The following SYNGR2 variants were observed in gnomAD, a reference collection of about 807,000 sequenced individuals.
SYNGR2 encodes synaptogyrin-2.
Under a neutral mutation model 18.7 loss-of-function variants are expected in SYNGR2, and 11 were observed. That is an observed-to-expected ratio of 0.59 (90% CI 0.37 to 0.97). The LOEUF is 0.97. Ranked by LOEUF, SYNGR2 falls within the 50% of genes least tolerant of loss-of-function variation. SYNGR2 has a pLI of 0.01. For missense variants in SYNGR2, 253 were observed against 300.7 expected (o/e 0.84, Z 1.17); for synonymous variants, 127 against 131.0 (o/e 0.97, Z 0.21).
At chr17:78,169,262 G>T (rs1294204214) in intron 1 of SYNGR2, 2 of 74,112 alleles carry the variant, frequency 2.7e-5, no homozygotes, top group African/African-American at 4.6e-5. Flanking sequence ...GGTTTTGTGT[G>T]TGTGTGTGTG....
chr17:78,168,715 G>A lies in SYNGR2; in HGVS notation c.99G>A (p.Leu33=). The change falls in exon 1 of 4, where the codon TTG becomes TTA. Residue 33 remains leucine (L), a splice_region_variant and synonymous_variant. Transcript: ENST00000225777. ...AGGTGGTGGCGCGCGCCGTGTGCTT[G>A]GTGAGCCCGGGGAGGGCGGGCCGAG... is the stretch of plus-strand genomic sequence containing the variant. ...QPQVVARAVC[L]VFALIVFSCI... 8.3e-7 allele frequency: 1 copy of A among 1,198,912 alleles called. No individual in the cohort carries two copies. The highest frequency in any genetic ancestry group is 1.0e-6 in the Non-Finnish European group (1 of 966,758). The allele number at this position is 1,198,912 out of a possible 1,614,324, so 74.3% of individuals were successfully genotyped here.
Position 78,169,161 on chromosome 17 carries a change from G to A in SYNGR2, c.99+446G>A, listed in dbSNP as rs572500223. On this transcript the variant is annotated intron_variant, in intron 1 of 3. Transcript: ENST00000225777. Reference sequence around the variant, plus strand: ...CGGAAACAGGGTGTCCTTCCCACTCGGGGCAGGCCACGGGTCCGCCTTCCC... The same window carrying A: ...CGGAAACAGGGTGTCCTTCCCACTCAGGGCAGGCCACGGGTCCGCCTTCCC... 5.4e-3 allele frequency: 819 copies of A among 152,436 alleles called. 2 individuals carry two copies. The highest frequency in any genetic ancestry group is 0.014 in the Middle Eastern group (4 of 290). 9.4% of individuals were successfully genotyped at this position (152,436 alleles called of 1,614,324 possible). A position where few individuals can be genotyped will look rare whatever the true frequency, so the allele number is the denominator to read the frequency against.
chr17:78,172,439 A>C lies in SYNGR2; in HGVS notation c.*503A>C. On this transcript the variant is annotated 3_prime_UTR_variant, in exon 4 of 4. Coordinates refer to ENST00000225777, the MANE Select transcript of SYNGR2 (RefSeq NM_004710.7). ...ACTGCTGTATGATCTGGGGGCCACC[A>C]CCCTGTGCCGGTGGCCTCTGGGCTG... 1 of 181,022 alleles carries C rather than the reference A, an allele frequency of 5.5e-6. No individual in the cohort carries two copies. The highest frequency in any genetic ancestry group is 5.6e-5 in the Admixed American group (1 of 17,738). 11.2% of individuals were successfully genotyped at this position (181,022 alleles called of 1,614,324 possible). A position where few individuals can be genotyped will look rare whatever the true frequency, so the allele number is the denominator to read the frequency against.
Position 78,172,211 on chromosome 17 carries a change from C to T in SYNGR2, c.*275C>T, listed in dbSNP as rs1259093946. 1 of 705,470 alleles carries T rather than the reference C, an allele frequency of 1.4e-6. No homozygotes were observed. Among genetic ancestry groups the T allele is most frequent in the Admixed American group, 3.0e-5 (1 of 33,256 alleles). 43.7% of individuals were successfully genotyped at this position (705,470 alleles called of 1,614,324 possible). A position where few individuals can be genotyped will look rare whatever the true frequency, so the allele number is the denominator to read the frequency against. ...TTTCCTCGCTTTTAATGACCTCAGC[C>T]CCGCCTGCAGTGGCTAGAAGCCAGC... On this transcript the variant is annotated 3_prime_UTR_variant, in exon 4 of 4. Coordinates refer to ENST00000225777, the MANE Select transcript of SYNGR2 (RefSeq NM_004710.7).
Position 78,170,822 on chromosome 17 carries a change from C to A in SYNGR2, c.105C>A (p.Phe35Leu). ...QVVARAVCLV[F>L]ALIVFSCIYG... ...AGGTCCTCCCCTCCCGGCAGGTCTT[C>A]GCCTTGATCGTGTTCTCCTGCATCT... is the stretch of plus-strand genomic sequence containing the variant. Residue 35 changes from phenylalanine to leucine, a missense_variant, in exon 2 of 4, where the codon TTC becomes TTA. Phe to Leu is a conservative substitution (Grantham distance 22). Transcript: ENST00000225777. 1 of 1,608,150 alleles carries A rather than the reference C, an allele frequency of 6.2e-7. No homozygotes were observed. The highest frequency in any genetic ancestry group is 8.5e-7 in the Non-Finnish European group (1 of 1,177,874).
At chr17:78,168,775 C>T in intron 1 of SYNGR2, 60 bp downstream of exon 1, 1 of 1,170,354 alleles carries the variant, frequency 8.5e-7, no homozygotes, top group Non-Finnish European at 1.1e-6. Context: ...TCGCCAGGCC[C>T]GGCGGGGCCC....
At position 78,171,780 on chromosome 17, in the gene SYNGR2, C is replaced by T. The variant is rs766549775; in HGVS notation, c.519C>T (p.Gly173=). The part of the protein sequence containing the change: ...ASLAYQRYKA[G]VDDFIQNYVD... ...TGGCCTACCAGCGCTACAAGGCTGG[C>T]GTGGACGACTTCATCCAGAATTACG... The change falls in exon 4 of 4, where the codon GGC becomes GGT. Residue 173 remains glycine (G), a synonymous_variant. Transcript: ENST00000225777. This position sits in a 1 kb window ranked among gnomAD's most constrained non-coding sequence, Gnocchi z 6.6. 25 of 1,613,970 alleles carry T rather than the reference C, an allele frequency of 1.5e-5. No homozygotes were observed. The East Asian group carries it at 2.0e-4, about 13-fold the overall frequency.
chr17:78,172,688 T>C lies in SYNGR2; in HGVS notation c.*752T>C, dbSNP rs2075669336. ...GGGGGAGATGCCCGGCCTGGGATGC[T>C]GTTTGGAGACGGAATAAATGTTTTC... is the stretch of plus-strand genomic sequence containing the variant. On this transcript the variant is annotated 3_prime_UTR_variant, in exon 4 of 4. Coordinates refer to ENST00000225777, the MANE Select transcript of SYNGR2 (RefSeq NM_004710.7). 1 of 152,358 alleles carries C rather than the reference T, an allele frequency of 6.6e-6. No homozygotes were observed. Among genetic ancestry groups the C allele is most frequent in the Admixed American group, 6.5e-5 (1 of 15,286 alleles). The allele number at this position is 152,358 out of a possible 1,614,324, so 9.4% of individuals were successfully genotyped here. A position where few individuals can be genotyped will look rare whatever the true frequency, so the allele number is the denominator to read the frequency against.
chr17:78,171,003 A>C lies in SYNGR2; in HGVS notation c.286A>C (p.Ser96Arg). The C allele has an allele frequency of 6.2e-7, 1 of 1,612,862 alleles. No individual in the cohort carries two copies. Among genetic ancestry groups the C allele is most frequent in the Non-Finnish European group, 8.5e-7 (1 of 1,179,832 alleles). ...GGTCGACGCGTATTTCCCCCAGATC[A>C]GCAACGCCACTGACCGCAAGTACCT... is the stretch of plus-strand genomic sequence containing the variant. ...LVVDAYFPQI[S>R]NATDRKYLVI... Residue 96 changes from serine to arginine, a missense_variant, in exon 2 of 4, where the codon AGC (serine) becomes CGC (arginine). Transcript: ENST00000225777. The surrounding 1 kb of genome is among the most constrained non-coding windows in gnomAD (Gnocchi z 6.6).
chr17:78,170,798 G>C lies in SYNGR2; in HGVS notation c.100-19G>C, dbSNP rs746179315. The C allele has an allele frequency of 6.2e-7, 1 of 1,600,494 alleles. No individual in the cohort carries two copies. Among genetic ancestry groups the C allele is most frequent in the East Asian group, 2.2e-5 (1 of 44,712 alleles). On this transcript the variant is annotated intron_variant, in intron 1 of 3. Transcript: ENST00000225777. Reference sequence around the variant, plus strand: ...CCTCAGGCGGCCACCAGCCCTACCAGGTCCTCCCCTCCCGGCAGGTCTTCG... The same window carrying C: ...CCTCAGGCGGCCACCAGCCCTACCACGTCCTCCCCTCCCGGCAGGTCTTCG...
At chr17:78,170,010 C>T (rs947609307) in intron 1 of SYNGR2, 1 of 152,474 alleles carries the variant, frequency 6.6e-6, no homozygotes, top group Non-Finnish European at 1.5e-5. Flanking sequence ...GCCAGCATGG[C>T]CTTCCCAAGA....
At chr17:78,170,043 G>A (rs2145814525) in intron 1 of SYNGR2, 1 of 152,616 alleles carries the variant, frequency 6.6e-6, no homozygotes, top group East Asian at 1.9e-4. Flanking sequence ...CTTCACCAAG[G>A]TGTTCAGGCA....
rs1567827015 is a variant in SYNGR2, at chr17:78,170,996, CCA to C, written c.280_281del (p.Gln94AspfsTer6). The C allele has an allele frequency of 6.2e-7, 1 of 1,600,900 alleles. No homozygotes were observed. Among genetic ancestry groups the C allele is most frequent in the Non-Finnish European group, 8.5e-7 (1 of 1,174,192 alleles). Reference protein sequence around the residue: ...FFLVVDAYFPQISNATDRKYL... With the variant: ...FFLVVDAYFPXISNATDRKYL... The stretch of plus-strand genomic sequence containing the variant: ...TCTTGGTGGTCGACGCGTATTTCCC[CCA>C]GATCAGCAACGCCACTGACCGCAAG... On this transcript the variant is annotated frameshift_variant, in exon 2 of 4. Coordinates refer to ENST00000225777, the MANE Select transcript of SYNGR2 (RefSeq NM_004710.7). LOFTEE classifies it high-confidence loss of function.
In SYNGR2 at chr17:78,171,454, G is replaced by A. The variant is rs2075657640; in HGVS notation, c.338-56G>A. The A allele has an allele frequency of 6.6e-7, 1 of 1,509,778 alleles. No homozygotes were observed. Among genetic ancestry groups the A allele is most frequent in the African/African-American group, 1.4e-5 (1 of 71,484 alleles). The allele number at this position is 1,509,778 out of a possible 1,614,324, so 93.5% of individuals were successfully genotyped here. On this transcript the variant is annotated intron_variant, in intron 2 of 3. Transcript: ENST00000225777. This position sits in a 1 kb window ranked among gnomAD's most constrained non-coding sequence, Gnocchi z 6.6. ...CTACCTGCCCGCGTCCCCTCCCAGA[G>A]TCCTGGAAAGCCCCTCCCTTTCCAT...
In SYNGR2 at chr17:78,171,153, C is replaced by G; in HGVS notation, c.337+99C>G. The G allele has an allele frequency of 8.6e-7, 1 of 1,158,702 alleles. No homozygotes were observed. Among genetic ancestry groups the G allele is most frequent in the Non-Finnish European group, 1.2e-6 (1 of 803,300 alleles). 71.8% of individuals were successfully genotyped at this position (1,158,702 alleles called of 1,614,324 possible). ...CGGCCTCTCTGGGAGGGGCAGGGAG[C>G]AGCTCACTCCTCCAGGGCATTTTTA... On this transcript the variant is annotated intron_variant, in intron 2 of 3. Coordinates refer to ENST00000225777, the MANE Select transcript of SYNGR2 (RefSeq NM_004710.7). The surrounding 1 kb of genome is among the most constrained non-coding windows in gnomAD (Gnocchi z 6.6).
intron 1 of SYNGR2, 92 bp from the exon 2 acceptor site, chr17:78,170,725 G>A: frequency 1.9e-6 from 2 of 1,069,634 alleles, no homozygotes; most frequent in Non-Finnish European, 2.8e-6. Flanking sequence ...GCAGTAGTGG[G>A]AGAGGCCAGC....
rs755782227 is a variant in SYNGR2 at position 78,172,013 on chromosome 17, T to A, written c.*77T>A. The stretch of plus-strand genomic sequence containing the variant: ...GACTTTCCCATGAGCCTCCTGGAAC[T>A]GCCAGCCCCTCTCTTTCACCTGTTC... On this transcript the variant is annotated 3_prime_UTR_variant, in exon 4 of 4. Coordinates refer to ENST00000225777, the MANE Select transcript of SYNGR2 (RefSeq NM_004710.7). 7 of 1,596,810 alleles carry A rather than the reference T, an allele frequency of 4.4e-6. No homozygotes were observed. Among genetic ancestry groups the A allele is most frequent in the Non-Finnish European group, 5.9e-6 (7 of 1,176,844 alleles).
rs1268567186 is a variant in SYNGR2, at chr17:78,171,183, AG to A, written c.337+132del. On this transcript the variant is annotated intron_variant, in intron 2 of 3. Transcript: ENST00000225777. This position sits in a 1 kb window ranked among gnomAD's most constrained non-coding sequence, Gnocchi z 6.6. Reference sequence around the variant, plus strand: ...CACTCCTCCAGGGCATTTTTAGGAAAGGGTTTTCAGCTAGTGTTTTTCCGTG... The same window carrying A: ...CACTCCTCCAGGGCATTTTTAGGAAAGGTTTTCAGCTAGTGTTTTTCCGTG... 1.1e-5 allele frequency: 10 copies of A among 928,860 alleles called. No individual in the cohort carries two copies. In the East Asian group the frequency reaches 2.2e-4, roughly 20 times the overall value. The allele number at this position is 928,860 out of a possible 1,614,324, so 57.5% of individuals were successfully genotyped here.
chr17:78,171,948 C>T lies in SYNGR2; in HGVS notation c.*12C>T, dbSNP rs376747192. 138 of 1,611,988 alleles carry T rather than the reference C, an allele frequency of 8.6e-5. No individual in the cohort carries two copies. The highest frequency in any genetic ancestry group is 1.6e-4 in the Middle Eastern group (1 of 6,062). On this transcript the variant is annotated 3_prime_UTR_variant, in exon 4 of 4. Coordinates refer to ENST00000225777, the MANE Select transcript of SYNGR2 (RefSeq NM_004710.7). This position sits in a 1 kb window ranked among gnomAD's most constrained non-coding sequence, Gnocchi z 6.6. ...CCCCTGTGTACTGAGCGGCGGTTAG[C>T]GTGGGAAGGGGGACAGAGAGGGCCC... is the stretch of plus-strand genomic sequence containing the variant.
Sources: gnomAD v4.1 joint callset for allele counts on GRCh38, gnomAD v4.1.1 for gene constraint, Gnocchi (gnomAD v3.1) non-coding constraint, MANE v1.5 for transcripts, NCBI Gene and HGNC (gene_info 2026-07-23, HGNC 2026-07-21) for gene names.